Variants in PTPRD observed in about 807,000 individuals in gnomAD.
The protein encoded by PTPRD is receptor-type tyrosine-protein phosphatase delta.
Under a neutral mutation model 214.5 loss-of-function variants are expected in PTPRD, and 34 were observed. That is an observed-to-expected ratio of 0.16 (90% CI 0.12 to 0.21). PTPRD has a LOEUF of 0.21. Ranked by LOEUF, PTPRD falls within the 10% of genes least tolerant of loss-of-function variation. The pLI is 1.00. For missense variants in PTPRD, 2,545 were observed against 2,398.7 expected, an observed-to-expected ratio of 1.06 and a Z score of -1.27; for synonymous variants, 1,128 against 845.7, an observed-to-expected ratio of 1.33 and a Z score of -5.79.
At chr9:9,161,318 T>G (rs1240865229) in intron 10 of PTPRD, among the ~76,000 whole-genome samples, 1 of 152,148 alleles carries the variant, frequency 6.6e-6, no homozygotes, top group Non-Finnish European at 1.5e-5. Context: ...AATTATGATT[T>G]GTCAATTGAA....
intron 4 of PTPRD, among the ~76,000 whole-genome samples, chr9:10,017,309 G>A (rs891441120): frequency 6.6e-6 from 1 of 151,624 alleles, no homozygotes; most frequent in Non-Finnish European, 1.5e-5. Context: ...TTTTATCAAT[G>A]TTCAGGAGTC....
In PTPRD at chr9:10,087,137, GTT is replaced by G. The variant is rs5896366; in HGVS notation, c.-544-53349_-544-53348del. Among the ~76,000 whole-genome samples the G allele has an allele frequency of 2.7e-4, 39 of 146,640 alleles. No homozygotes were observed. The East Asian group carries it at 4.4e-3, about 16-fold the overall frequency. ...TGATTTTTCTCAAATATGTTTTAGA[GTT>G]TTTTTTTTTTTAGAAACTGAAAAGT... On this transcript the variant is annotated intron_variant, in intron 3 of 45. Transcript: ENST00000381196.
chr9:9,364,193 G>C (rs967747009), intron 9 of PTPRD, among the ~76,000 whole-genome samples: 16 of 151,354 alleles, frequency 1.1e-4, no homozygotes, highest in African/African-American at 2.9e-4. Flanking sequence ...GTTTTTCTCT[G>C]TTGTGGAATT....
intron 5 of PTPRD, among the ~76,000 whole-genome samples, chr9:9,783,287 C>G (rs942101577): frequency 2.0e-5 from 3 of 152,122 alleles, no homozygotes; most frequent in African/African-American, 7.2e-5. Flanking sequence ...GCGTATTATA[C>G]AGTGCAGTGA....
chr9:9,927,393 A>T (rs2084713327), intron 5 of PTPRD, among the ~76,000 whole-genome samples: 1 of 152,066 alleles, frequency 6.6e-6, no homozygotes, highest in African/African-American at 2.4e-5. Flanking sequence ...ATTCAAATTC[A>T]CCATTTCTGT....
At chr9:10,545,268 G>C (rs1169159015) in intron 2 of PTPRD, among the ~76,000 whole-genome samples, 1 of 152,118 alleles carries the variant, frequency 6.6e-6, no homozygotes, top group Non-Finnish European at 1.5e-5. Context: ...TGGGGAGAGA[G>C]AATTCTTTCC....
At chr9:9,393,275 A>G (rs7857734) in intron 9 of PTPRD, among the ~76,000 whole-genome samples, 40,354 of 151,998 alleles carry the variant, frequency 0.27, 5,496 homozygotes, top group Middle Eastern at 0.3. Flanking sequence ...GTTTGTTCAT[A>G]TAACTTATTT....
intron 9 of PTPRD, among the ~76,000 whole-genome samples, chr9:9,388,697 A>C (rs1206555342): frequency 1.3e-5 from 2 of 152,074 alleles, no homozygotes; most frequent in African/African-American, 4.8e-5. Context: ...ATCTGCCATA[A>C]AAAAATTAAA....
chr9:8,654,593 A>G (rs1424773375), intron 12 of PTPRD, among the ~76,000 whole-genome samples: 1 of 152,226 alleles, frequency 6.6e-6, no homozygotes, highest in Admixed American at 6.5e-5. Context: ...CATGTAAGCC[A>G]GTGTAAAAAA....
chr9:10,079,745 G>A (rs1008278916), intron 3 of PTPRD, among the ~76,000 whole-genome samples: 8 of 152,072 alleles, frequency 5.3e-5, no homozygotes, highest in African/African-American at 1.7e-4. Context: ...ATACATTAAG[G>A]TTCGTTTTCC....
rs375525268 is a variant in PTPRD, at chr9:10,612,185, T to TCGAA, written c.-600+209_-600+212dup. Among the ~76,000 whole-genome samples, 367 of 131,078 alleles carry TCGAA rather than the reference T, an allele frequency of 2.8e-3. 3 individuals are homozygous for TCGAA. The highest frequency in any genetic ancestry group is 9.7e-3 in the African/African-American group (340 of 34,980). The allele number at this position is 131,078 out of a possible 152,430, so 86.0% of individuals were successfully genotyped here. On this transcript the variant is annotated intron_variant, in intron 2 of 45. Coordinates refer to ENST00000381196, the MANE Select transcript of PTPRD (RefSeq NM_002839.4). ...TAAGGCTGCCCATACTGATCCCATA[T>TCGAA]CGAAGTCTTCTAAGGGCTCTTCCAA...
At chr9:9,160,372 G>T (rs755838343) in intron 10 of PTPRD, among the ~76,000 whole-genome samples, 1 of 152,086 alleles carries the variant, frequency 6.6e-6, no homozygotes, top group Non-Finnish European at 1.5e-5. Flanking sequence ...ATGGGCAAAG[G>T]ATTTGAAAAC....
At chr9:10,147,100 A>G (rs1219517134) in intron 3 of PTPRD, among the ~76,000 whole-genome samples, 1 of 152,170 alleles carries the variant, frequency 6.6e-6, no homozygotes, top group East Asian at 1.9e-4. Context: ...AGTTACTTAC[A>G]GGGGACACTA....
chr9:8,699,657 G>A (rs1490231505), intron 12 of PTPRD, among the ~76,000 whole-genome samples: 3 of 151,986 alleles, frequency 2.0e-5, no homozygotes, highest in African/African-American at 7.3e-5. Flanking sequence ...CAATATGAAT[G>A]CTTAATGTAC....
At chr9:9,342,025 T>C (rs1183303174) in intron 9 of PTPRD, among the ~76,000 whole-genome samples, 1 of 152,064 alleles carries the variant, frequency 6.6e-6, no homozygotes, top group Non-Finnish European at 1.5e-5. Context: ...GTCAGGATGA[T>C]CTCAAACTCC....
intron 3 of PTPRD, among the ~76,000 whole-genome samples, chr9:10,142,461 A>G (rs1050563297): frequency 9.2e-5 from 14 of 152,244 alleles, no homozygotes; most frequent in East Asian, 1.9e-4. Flanking sequence ...AAAAGTGGGC[A>G]AAGGACATGA....
At chr9:8,531,880 T>C (rs1208264123) in intron 14 of PTPRD, among the ~76,000 whole-genome samples, 1 of 152,082 alleles carries the variant, frequency 6.6e-6, no homozygotes, top group Non-Finnish European at 1.5e-5. Flanking sequence ...AGTCCTCACC[T>C]TGGGGATAGC....
intron 2 of PTPRD, among the ~76,000 whole-genome samples, chr9:10,381,065 A>G (rs983532938): frequency 6.6e-6 from 1 of 151,906 alleles, no homozygotes; most frequent in Non-Finnish European, 1.5e-5. Context: ...TAGACTATTA[A>G]TTCAACTAAA....
chr9:9,509,184 ATT>A (rs1297381957), intron 8 of PTPRD, among the ~76,000 whole-genome samples: 2 of 151,606 alleles, frequency 1.3e-5, no homozygotes, highest in Non-Finnish European at 3.0e-5. Context: ...GCTGGGTTGT[ATT>A]TTTTTCCTGT....
Sources: gnomAD v4.1 joint callset for allele counts (sites outside exome capture counted in the v4.1 genomes callset) on GRCh38, gnomAD v4.1.1 for gene constraint, MANE v1.5 for transcripts, NCBI Gene and HGNC (gene_info 2026-07-23, HGNC 2026-07-21) for gene names.